Variants in NTM observed in about 807,000 individuals in gnomAD.
NTM encodes the protein neurotrimin, also known as IgLON family member 2.
A neutral mutation model predicts 42.1 loss-of-function variants in NTM; 13 were observed. The observed-to-expected ratio is 0.31, with a 90% CI of 0.20 to 0.49. The LOEUF (loss-of-function observed/expected upper bound fraction) is 0.49. Ranked by LOEUF, NTM falls within the 20% of genes least tolerant of loss-of-function variation. The probability of loss-of-function intolerance (pLI) is 0.99; values close to 1 mark genes in which losing one functional copy is unlikely to be tolerated. For synonymous variants in NTM, 187 were observed against 179.2 expected (o/e 1.04, Z -0.35); for missense variants, 373 against 452.8 (o/e 0.82, Z 1.60).
chr11:132,003,773 C>T lies in NTM; in HGVS notation c.167+92125C>T, dbSNP rs1167009150. Among the ~76,000 whole-genome samples the T allele has an allele frequency of 6.6e-6, 1 of 152,174 alleles. No individual in the cohort carries two copies. Among genetic ancestry groups the T allele is most frequent in the Non-Finnish European group, 1.5e-5 (1 of 68,034 alleles). On this transcript the variant is annotated intron_variant, in intron 2 of 8. Transcript: ENST00000683400. This position sits in a 1 kb window ranked among gnomAD's most constrained non-coding sequence, Gnocchi z 6.0. ...CCTTGGAATCTACACAGAGAAATCC[C>T]TGAGCTTTACTTTTTCTGGACCTGC... is the stretch of plus-strand genomic sequence containing the variant.
intron 1 of NTM, among the ~76,000 whole-genome samples, chr11:131,608,645 C>T (rs556044825): frequency 1.6e-4 from 13 of 80,336 alleles, no homozygotes; most frequent in African/African-American, 2.2e-4. Flanking sequence ...TGTCCATTCC[C>T]GCCTTTCTTT....
chr11:131,598,033 A>C (rs919176844), intron 1 of NTM, among the ~76,000 whole-genome samples: 1 of 152,182 alleles, frequency 6.6e-6, no homozygotes, highest in Non-Finnish European at 1.5e-5. Flanking sequence ...CTGGGATCCA[A>C]TTGGCTCTGC....
chr11:131,820,700 T>C (rs569849297), intron 1 of NTM, among the ~76,000 whole-genome samples: 1 of 152,328 alleles, frequency 6.6e-6, no homozygotes, highest in South Asian at 2.1e-4. Flanking sequence ...ATACAAAGGA[T>C]TGGCACTTTT....
At chr11:132,018,462 A>C (rs548691002) in intron 2 of NTM, among the ~76,000 whole-genome samples, 2 of 152,024 alleles carry the variant, frequency 1.3e-5, no homozygotes, top group South Asian at 2.1e-4. Flanking sequence ...ATTTTTAAAA[A>C]TGTTTTTCTT....
At chr11:131,912,516 T>C (rs1287347814) in intron 2 of NTM, among the ~76,000 whole-genome samples, 1 of 152,220 alleles carries the variant, frequency 6.6e-6, no homozygotes, top group Non-Finnish European at 1.5e-5. Flanking sequence ...ATTTCCAGTG[T>C]TGATAAACCA....
rs112101391 is a variant in NTM, at chr11:131,837,731, G to A, written c.83-73833G>A. ...ACCCGAGGGCTATGCGTGGTGTTGCGGGAGACCTGTCATTGCTGCCTGCCG... is the reference window on the plus strand; with the variant it reads ...ACCCGAGGGCTATGCGTGGTGTTGCAGGAGACCTGTCATTGCTGCCTGCCG... On this transcript the variant is annotated intron_variant, in intron 1 of 8. Transcript: ENST00000683400. Among the ~76,000 whole-genome samples, 476 of 152,160 alleles carry A rather than the reference G, an allele frequency of 3.1e-3. 4 individuals carry two copies. The highest frequency in any genetic ancestry group is 0.01 in the African/African-American group (436 of 41,526).
At chr11:131,917,792 G>A (rs752084218) in intron 2 of NTM, among the ~76,000 whole-genome samples, 2 of 152,236 alleles carry the variant, frequency 1.3e-5, no homozygotes, top group Admixed American at 6.5e-5. Flanking sequence ...CCAGGCATCC[G>A]GCTGGTGTCC....
intron 1 of NTM, among the ~76,000 whole-genome samples, chr11:131,904,651 T>C (rs1240016002): frequency 2.0e-5 from 3 of 152,206 alleles, no homozygotes; most frequent in East Asian, 3.9e-4. Context: ...TAAAGGCTTA[T>C]GGTAGGAGGT....
chr11:132,047,862 G>A (rs1388450227), intron 2 of NTM, among the ~76,000 whole-genome samples: 2 of 152,166 alleles, frequency 1.3e-5, no homozygotes, highest in Non-Finnish European at 2.9e-5. Flanking sequence ...TCCTTGACCT[G>A]TGTGAGACCT....
chr11:131,897,553 A>T (rs1316964391), intron 1 of NTM, among the ~76,000 whole-genome samples: 1 of 152,202 alleles, frequency 6.6e-6, no homozygotes, highest in Non-Finnish European at 1.5e-5. Flanking sequence ...TTAGAACTAC[A>T]CTTTTACTGT....
intron 3 of NTM, among the ~76,000 whole-genome samples, chr11:132,192,049 T>C (rs1364150529): frequency 1.3e-5 from 2 of 152,186 alleles, no homozygotes; most frequent in African/African-American, 4.8e-5. Flanking sequence ...CTCATTGGCA[T>C]TCCTGAAAGA....
At chr11:132,119,971 G>A (rs2064502614) in intron 2 of NTM, among the ~76,000 whole-genome samples, 1 of 152,168 alleles carries the variant, frequency 6.6e-6, no homozygotes, top group Non-Finnish European at 1.5e-5. Context: ...GGTGTAAAAA[G>A]CCCCCATCAG....
At position 131,407,309 on chromosome 11, in the gene NTM, A is replaced by G. The variant is rs192632813; in HGVS notation, c.82+36421A>G. ...CAGATCTATTATGTGGCCAGAAAAA[A>G]CAGTGTCACAAAAGACAGCCCTCTG... On this transcript the variant is annotated intron_variant, in intron 1 of 8. Coordinates refer to ENST00000683400, the MANE Select transcript of NTM (RefSeq NM_001352005.2). 3.9e-5 allele frequency among the ~76,000 whole-genome samples: 6 copies of G among 152,294 alleles called. No homozygotes were observed. The East Asian group carries it at 1.2e-3, about 29-fold the overall frequency.
chr11:132,007,988 A>T (rs2071200340), intron 2 of NTM, among the ~76,000 whole-genome samples: 1 of 152,176 alleles, frequency 6.6e-6, no homozygotes, highest in South Asian at 2.1e-4. Flanking sequence ...AGGAGTAGAA[A>T]GGAAAATGTT....
At chr11:131,772,690 C>A (rs1452341648) in intron 1 of NTM, among the ~76,000 whole-genome samples, 1 of 152,130 alleles carries the variant, frequency 6.6e-6, no homozygotes, top group African/African-American at 2.4e-5. Context: ...TCTGAGGAGA[C>A]CCCCCAGCCT....
intron 1 of NTM, among the ~76,000 whole-genome samples, chr11:131,653,026 A>G (rs1457167782): frequency 6.6e-6 from 1 of 152,170 alleles, no homozygotes; most frequent in Non-Finnish European, 1.5e-5. Context: ...CTGTAGCATG[A>G]TTACAGCCAC....
intron 1 of NTM, among the ~76,000 whole-genome samples, chr11:131,716,605 T>C (rs551386782): frequency 1.7e-4 from 26 of 152,348 alleles, no homozygotes; most frequent in African/African-American, 5.1e-4. Context: ...CCCTGATGAC[T>C]GATAATATTC....
At chr11:132,093,344 A>G (rs972629428) in intron 2 of NTM, among the ~76,000 whole-genome samples, 1 of 152,164 alleles carries the variant, frequency 6.6e-6, no homozygotes, top group African/African-American at 2.4e-5. Flanking sequence ...TTCTGAGCCC[A>G]CAAGGGCATG....
rs922857829 is a variant in NTM, at chr11:132,336,273, G to A, written c.*1127G>A. ...CTGCATGCTGTATATGGCGTTAGCTGTGTGTTGATCTTCTAAAAGATGATA... is the reference window on the plus strand; with the variant it reads ...CTGCATGCTGTATATGGCGTTAGCTATGTGTTGATCTTCTAAAAGATGATA... On this transcript the variant is annotated 3_prime_UTR_variant, in exon 9 of 9. Coordinates refer to ENST00000683400, the MANE Select transcript of NTM (RefSeq NM_001352005.2). 2 of 152,402 alleles carry A rather than the reference G, an allele frequency of 1.3e-5. No homozygotes were observed. The highest frequency in any genetic ancestry group is 2.9e-5 in the Non-Finnish European group (2 of 68,012). The allele number at this position is 152,402 out of a possible 1,614,324, so 9.4% of individuals were successfully genotyped here.
Sources: gnomAD v4.1 joint callset for allele counts (sites outside exome capture counted in the v4.1 genomes callset) on GRCh38, gnomAD v4.1.1 for gene constraint, Gnocchi (gnomAD v3.1) non-coding constraint, MANE v1.5 for transcripts, NCBI Gene and HGNC (gene_info 2026-07-23, HGNC 2026-07-21) for gene names.